The following EIF2AK3 variants were observed in gnomAD, a reference collection of about 807,000 sequenced individuals.
EIF2AK3 encodes the protein eukaryotic translation initiation factor 2-alpha kinase 3.
A neutral mutation model predicts 113.5 loss-of-function variants in EIF2AK3; 50 were observed. The observed-to-expected ratio is 0.44, with a 90% CI of 0.35 to 0.56. EIF2AK3 has a LOEUF of 0.56. Among genes scored for constraint, EIF2AK3 ranks in the 20% least tolerant of loss-of-function variants. EIF2AK3 has a pLI of 0.00. For synonymous variants in EIF2AK3, 448 were observed against 495.4 expected, an observed-to-expected ratio of 0.90 and a Z score of 1.27; for missense variants, 1,185 against 1,378.0, an observed-to-expected ratio of 0.86 and a Z score of 2.22.
Position 88,587,985 on chromosome 2 carries a change from A to G in EIF2AK3, c.1426T>C (p.Tyr476His). The G allele has an allele frequency of 6.4e-7, 1 of 1,569,002 alleles. No homozygotes were observed. The highest frequency in any genetic ancestry group is 1.3e-5 in the African/African-American group (1 of 74,076). ...AAAACTCAGTATTTTCACTTACCAT[A>G]TGGATACTGCAAGATTGAAAGTGCA... is the stretch of plus-strand genomic sequence containing the variant. ...NGALSILQYP[Y>H]DNGYYLPYYK... Residue 476 changes from tyrosine to histidine, a missense_variant, in exon 8 of 17, where the codon TAT (tyrosine) becomes CAT (histidine). By Grantham distance (83) the Tyr-to-His change is moderately conservative (BLOSUM62 2). Coordinates refer to ENST00000303236, the MANE Select transcript of EIF2AK3 (RefSeq NM_004836.7).
intron 2 of EIF2AK3, among the ~76,000 whole-genome samples, chr2:88,606,425 A>G (rs973306772): frequency 6.6e-6 from 1 of 152,360 alleles, no homozygotes; most frequent in South Asian, 2.1e-4. Flanking sequence ...GGATTAATAT[A>G]ACAAAATTAA....
At chr2:88,566,118 T>C (rs1466069002) in intron 14 of EIF2AK3, among the ~76,000 whole-genome samples, 1 of 152,246 alleles carries the variant, frequency 6.6e-6, no homozygotes, top group African/African-American at 2.4e-5. Flanking sequence ...GCTATTTTAC[T>C]GTTTCACCAG....
chr2:88,593,489 T>A, intron 3 of EIF2AK3, 84 bp from the exon 4 acceptor site: 1 of 1,537,218 alleles, frequency 6.5e-7, no homozygotes, highest in East Asian at 2.3e-5. Context: ...CTGTAATTTT[T>A]AAAAAGTGAA....
At chr2:88,600,384 G>A (rs1323333244) in intron 2 of EIF2AK3, among the ~76,000 whole-genome samples, 1 of 152,110 alleles carries the variant, frequency 6.6e-6, no homozygotes, top group East Asian at 1.9e-4. Context: ...AAAAATGTAG[G>A]TTACGGTGAT....
intron 14 of EIF2AK3, 109 bp from the exon 15 acceptor site, chr2:88,562,499 C>A: frequency 1.2e-6 from 1 of 855,314 alleles, no homozygotes. Flanking sequence ...GGTTTAAATG[C>A]AAGTACATGT....
intron 6 of EIF2AK3, among the ~76,000 whole-genome samples, chr2:88,590,166 C>T (rs1488762992): frequency 6.6e-6 from 1 of 152,050 alleles, no homozygotes; most frequent in East Asian, 1.9e-4. Flanking sequence ...ACCCAGGAGG[C>T]GGAGGTTGCA....
chr2:88,575,339 G>A lies in EIF2AK3; in HGVS notation c.2144C>T (p.Ser715Leu), dbSNP rs1674429856. The change falls in exon 13 of 17, where the codon TCA becomes TTA. Residue 715 changes from serine (S) to leucine (L), a missense_variant. Physicochemically the swap from Ser to Leu is moderately radical, Grantham distance 145. Transcript: ENST00000303236. Reference sequence around the variant, plus strand: ...TGAAAAAGACCTGCTTCTTTGTGGTGAAGGAGCTATGATTTCAATATGTTC... The same window carrying A: ...TGAAAAAGACCTGCTTCTTTGTGGTAAAGGAGCTATGATTTCAATATGTTC... ...TKEHIEIIAP[S>L]PQRSRSFSVG... 1.2e-6 allele frequency: 2 copies of A among 1,614,164 alleles called. No homozygotes were observed. Among genetic ancestry groups the A allele is most frequent in the Non-Finnish European group, 1.7e-6 (2 of 1,180,008 alleles).
At chr2:88,611,952 T>A (rs1675468214) in intron 2 of EIF2AK3, among the ~76,000 whole-genome samples, 1 of 152,192 alleles carries the variant, frequency 6.6e-6, no homozygotes, top group East Asian at 1.9e-4. Context: ...GCAAAAATTT[T>A]ATCCAAAAGA....
In EIF2AK3 at chr2:88,559,659, TTG is replaced by T. The variant is rs1248239718; in HGVS notation, c.3088-682_3088-681del. On this transcript the variant is annotated intron_variant, in intron 15 of 16. Coordinates refer to ENST00000303236, the MANE Select transcript of EIF2AK3 (RefSeq NM_004836.7). ...AGCACAAAGAAAATATTGGAAATCT[TTG>T]TTTCTATGGAGTTGCCTCTTCTGAA... Among the ~76,000 whole-genome samples the T allele has an allele frequency of 2.6e-5, 4 of 152,188 alleles. No individual in the cohort carries two copies. The East Asian group carries it at 7.7e-4, about 29-fold the overall frequency.
chr2:88,612,090 T>A (rs1251279301), intron 2 of EIF2AK3, among the ~76,000 whole-genome samples: 1 of 152,194 alleles, frequency 6.6e-6, no homozygotes, highest in Non-Finnish European at 1.5e-5. Flanking sequence ...ACAGCTAATA[T>A]AACGGCTATG....
intron 6 of EIF2AK3, 26 bp from the exon 7 acceptor site, chr2:88,588,927 T>A (rs761090074): frequency 1.9e-6 from 3 of 1,610,920 alleles, no homozygotes; most frequent in Non-Finnish European, 2.5e-6. Flanking sequence ...CATTGTCAAT[T>A]ATGCATTGAT....
Position 88,614,917 on chromosome 2 carries a change from C to T in EIF2AK3, c.309-1064G>A, listed in dbSNP as rs576521774. Among the ~76,000 whole-genome samples, 11 of 152,286 alleles carry T rather than the reference C, an allele frequency of 7.2e-5. No homozygotes were observed. In the East Asian group the frequency reaches 7.7e-4, roughly 11 times the overall value. On this transcript the variant is annotated intron_variant, in intron 1 of 16. Coordinates refer to ENST00000303236, the MANE Select transcript of EIF2AK3 (RefSeq NM_004836.7). ...TGTTGACTATCCTCACTTTAATTAA[C>T]GACCACCAACCTCAAAAAGGCTACT...
chr2:88,579,425 G>T, intron 11 of EIF2AK3, 93 bp downstream of exon 11: 1 of 1,503,782 alleles, frequency 6.6e-7, no homozygotes, highest in Non-Finnish European at 9.2e-7. Context: ...TGTTTTCTAT[G>T]GTGTTTACAG....
intron 6 of EIF2AK3, 100 bp from the exon 7 acceptor site, chr2:88,589,001 C>G: frequency 1.5e-6 from 2 of 1,343,978 alleles, no homozygotes; most frequent in South Asian, 2.5e-5. Context: ...CTACATACAC[C>G]ACAAAACTCT....
chr2:88,603,676 GTC>G (rs1470072361), intron 2 of EIF2AK3, among the ~76,000 whole-genome samples: 1 of 152,198 alleles, frequency 6.6e-6, no homozygotes, highest in South Asian at 2.1e-4. Flanking sequence ...TAACTTATCA[GTC>G]TCTCTCAATT....
At chr2:88,560,520 C>G (rs1673921272) in intron 15 of EIF2AK3, among the ~76,000 whole-genome samples, 1 of 152,180 alleles carries the variant, frequency 6.6e-6, no homozygotes, top group Non-Finnish European at 1.5e-5. Context: ...TCAAGGAATT[C>G]CTTTTGCCTC....
intron 1 of EIF2AK3, among the ~76,000 whole-genome samples, chr2:88,625,284 TACAC>T (rs375827301): frequency 0.18 from 24,057 of 135,054 alleles, 2,032 homozygotes; most frequent in Middle Eastern, 0.31. Flanking sequence ...ATCGCTTACG[TACAC>T]ACACACACAC....
At chr2:88,563,739 C>A (rs1558643472) in intron 14 of EIF2AK3, among the ~76,000 whole-genome samples, 1 of 152,052 alleles carries the variant, frequency 6.6e-6, no homozygotes, top group African/African-American at 2.4e-5. Flanking sequence ...AGCTGGAAAT[C>A]TTTTCTAAGA....
At chr2:88,568,806 T>C (rs1268959736) in intron 14 of EIF2AK3, among the ~76,000 whole-genome samples, 1 of 152,252 alleles carries the variant, frequency 6.6e-6, no homozygotes, top group Admixed American at 6.5e-5. Flanking sequence ...TACAATATGC[T>C]CTAGCTGCTC....
Sources: gnomAD v4.1 joint callset for allele counts (sites outside exome capture counted in the v4.1 genomes callset) on GRCh38, gnomAD v4.1.1 for gene constraint, MANE v1.5 for transcripts, NCBI Gene and HGNC (gene_info 2026-07-23, HGNC 2026-07-21) for gene names.